Variants in APOH observed in about 807,000 individuals in gnomAD.
APOH encodes the protein beta-2-glycoprotein 1.
Under a neutral mutation model 39.8 loss-of-function variants are expected in APOH, and 48 were observed. That is an observed-to-expected ratio of 1.21 (90% CI 0.96 to 1.54). The LOEUF (loss-of-function observed/expected upper bound fraction) is 1.54, where lower values mean the gene tolerates loss of function less well. APOH is among the 40% of genes most tolerant of loss of function. The pLI is 0.00. For synonymous variants in APOH, 153 were observed against 151.1 expected, an observed-to-expected ratio of 1.01 and a Z score of -0.09; for missense variants, 415 against 421.2, an observed-to-expected ratio of 0.99 and a Z score of 0.13.
chr17:66,220,771 T>C lies in APOH; in HGVS notation c.416-29A>G, dbSNP rs185503292. 13 of 1,572,486 alleles carry C rather than the reference T, an allele frequency of 8.3e-6. No homozygotes were observed. In the African/African-American group the frequency reaches 1.2e-4, roughly 15 times the overall value. ...GGAAAATAAAGAACTATCATTTCTA[T>C]GAAAATAGTTAAGGCTTTTAAATAT... On this transcript the variant is annotated intron_variant, in intron 4 of 7. Transcript: ENST00000205948.
intron 7 of APOH, among the ~76,000 whole-genome samples, chr17:66,214,003 A>G (rs1412951267): frequency 6.6e-6 from 1 of 151,356 alleles, no homozygotes; most frequent in Non-Finnish European, 1.5e-5. Flanking sequence ...GCTTCATATC[A>G]TTGTTTCTCC....
chr17:66,227,549 C>T (rs1311368993), intron 2 of APOH, among the ~76,000 whole-genome samples: 1 of 151,948 alleles, frequency 6.6e-6, no homozygotes, highest in Non-Finnish European at 1.5e-5. Flanking sequence ...TTAATTTGAC[C>T]TCTTTTCTTG....
chr17:66,214,336 G>C lies in APOH; in HGVS notation c.982+117C>G. ...AGCCTCCCAAAGTGCTGGGATTACA[G>C]GCGTGACCCACCGCACCTGGCCTCA... On this transcript the variant is annotated intron_variant, in intron 7 of 7. Transcript: ENST00000205948. 6.2e-6 allele frequency: 6 copies of C among 965,592 alleles called. No individual in the cohort carries two copies. The South Asian group carries it at 8.4e-5, about 14-fold the overall frequency. 59.8% of individuals were successfully genotyped at this position (965,592 alleles called of 1,614,324 possible).
intron 2 of APOH, among the ~76,000 whole-genome samples, chr17:66,227,418 C>T (rs2073446669): frequency 6.6e-6 from 1 of 152,078 alleles, no homozygotes; most frequent in Non-Finnish European, 1.5e-5. Flanking sequence ...TTGCATAATA[C>T]TTGACTGTAA....
At chr17:66,216,249 G>A (rs1392188151) in intron 6 of APOH, among the ~76,000 whole-genome samples, 1 of 151,730 alleles carries the variant, frequency 6.6e-6, no homozygotes. Flanking sequence ...TACAGAGGCC[G>A]AGGCGGGCGG....
At chr17:66,223,031 G>C (rs954129441) in intron 4 of APOH, among the ~76,000 whole-genome samples, 1 of 152,328 alleles carries the variant, frequency 6.6e-6, no homozygotes, top group Admixed American at 6.5e-5. Flanking sequence ...GACTCTGACA[G>C]CTTGGCTGAG....
chr17:66,228,883 A>G (rs1443814327), intron 1 of APOH, among the ~76,000 whole-genome samples: 2 of 151,022 alleles, frequency 1.3e-5, no homozygotes, highest in African/African-American at 2.4e-5. Flanking sequence ...CCCAGACTGG[A>G]GTGCAATGGG....
At chr17:66,225,871 C>A (rs986834478) in intron 3 of APOH, among the ~76,000 whole-genome samples, 157 bp downstream of exon 3, 2 of 143,720 alleles carry the variant, frequency 1.4e-5, no homozygotes, top group Non-Finnish European at 3.0e-5. Context: ...AGCGAGACTC[C>A]GTCTCAAAAA....
intron 3 of APOH, among the ~76,000 whole-genome samples, chr17:66,225,245 T>C (rs2073432638): frequency 6.6e-6 from 1 of 152,150 alleles, no homozygotes; most frequent in Non-Finnish European, 1.5e-5. Flanking sequence ...GGATAGCCAA[T>C]GTGCTCTCAA....
intron 7 of APOH, among the ~76,000 whole-genome samples, chr17:66,213,325 C>G (rs2073346265): frequency 6.6e-6 from 1 of 152,248 alleles, no homozygotes; most frequent in Admixed American, 6.5e-5. Flanking sequence ...TTACACACTT[C>G]TTTATCTCAC....
chr17:66,215,409 A>C (rs2146991353), intron 6 of APOH, among the ~76,000 whole-genome samples: 1 of 152,308 alleles, frequency 6.6e-6, no homozygotes. Context: ...CTGTGTTAAA[A>C]CAAGCCTTCC....
chr17:66,224,895 C>T (rs1417241517), intron 3 of APOH, among the ~76,000 whole-genome samples: 2 of 151,678 alleles, frequency 1.3e-5, no homozygotes, highest in Admixed American at 1.3e-4. Flanking sequence ...GGTGAAACCC[C>T]ATCTCTACTA....
Position 66,214,451 on chromosome 17 carries a change from A to G in APOH, c.982+2T>C. 1 of 1,612,946 alleles carries G rather than the reference A, an allele frequency of 6.2e-7. No homozygotes were observed. The highest frequency in any genetic ancestry group is 8.5e-7 in the Non-Finnish European group (1 of 1,179,262). ...TAGCTAAACGTTCCAATGCAGACTT[A>G]CCCTTGAAGCATTTGGGGACTTCGA... On this transcript the variant is annotated splice_donor_variant, in intron 7 of 7. Transcript: ENST00000205948. LOFTEE classifies it high-confidence loss of function.
intron 5 of APOH, among the ~76,000 whole-genome samples, chr17:66,218,315 ATT>A (rs202025524): frequency 6.8e-6 from 1 of 147,718 alleles, no homozygotes; most frequent in African/African-American, 2.5e-5. Context: ...GACAGAATGT[ATT>A]TTTTTTTTTT....
chr17:66,219,591 G>A (rs2073385267), intron 5 of APOH, among the ~76,000 whole-genome samples: 1 of 152,276 alleles, frequency 6.6e-6, no homozygotes, highest in Non-Finnish European at 1.5e-5. Context: ...CTGGATATCT[G>A]TAATATCTAC....
intron 4 of APOH, 85 bp downstream of exon 4, chr17:66,223,613 G>A (rs2073416080): frequency 2.6e-6 from 3 of 1,158,940 alleles, no homozygotes; most frequent in Non-Finnish European, 3.9e-6. Context: ...AGCTGTGACT[G>A]AAGAGATTCC....
chr17:66,213,235 G>C (rs2073345655), intron 7 of APOH, among the ~76,000 whole-genome samples: 1 of 152,234 alleles, frequency 6.6e-6, no homozygotes, highest in African/African-American at 2.4e-5. Flanking sequence ...GCCTCTGGCT[G>C]GTTCTTACTT....
chr17:66,228,177 A>T lies in APOH; in HGVS notation c.84T>A (p.Asp28Glu), dbSNP rs755547171. 6.2e-7 allele frequency: 1 copy of T among 1,614,084 alleles called. No individual in the cohort carries two copies. The highest frequency in any genetic ancestry group is 1.1e-5 in the South Asian group (1 of 91,068). The change falls in exon 2 of 8, where the codon GAT becomes GAA. Residue 28 changes from aspartate to glutamate, a missense_variant. Transcript: ENST00000205948. ...ACGGGACCACTGTGGAAAATGGTAA[A>T]TCATCTGGCTTGGGACAGGCTGAAA... ...IAGRTCPKPD[D>E]LPFSTVVPLK...
intron 5 of APOH, among the ~76,000 whole-genome samples, chr17:66,217,942 CA>C (rs372282778): frequency 2.1e-5 from 3 of 145,710 alleles, no homozygotes; most frequent in Admixed American, 6.8e-5. Context: ...GACTCCAACT[CA>C]AAAAAAAAAT....
Sources: gnomAD v4.1 joint callset for allele counts (sites outside exome capture counted in the v4.1 genomes callset) on GRCh38, gnomAD v4.1.1 for gene constraint, MANE v1.5 for transcripts, NCBI Gene and HGNC (gene_info 2026-07-23, HGNC 2026-07-21) for gene names.